MTTP: variants seen among roughly 807,000 people sequenced by gnomAD.
MTTP encodes microsomal triglyceride transfer protein.
Under a neutral mutation model 90.6 loss-of-function variants are expected in MTTP, and 49 were observed. That is an observed-to-expected ratio of 0.54 (90% CI 0.43 to 0.69). The LOEUF (loss-of-function observed/expected upper bound fraction) is 0.69. MTTP is among the 30% of genes least tolerant of loss of function. The probability of loss-of-function intolerance (pLI) is 0.00; values close to 1 mark genes in which losing one functional copy is unlikely to be tolerated. For missense variants in MTTP, 945 were observed against 1,067.5 expected (o/e 0.89, Z 1.60); for synonymous variants, 347 against 384.2 (o/e 0.90, Z 1.13).
intron 10 of MTTP, among the ~76,000 whole-genome samples, chr4:99,604,108 G>A (rs1578248535): frequency 6.6e-6 from 1 of 152,152 alleles, no homozygotes; most frequent in East Asian, 1.9e-4. Context: ...TTTCTGCTGT[G>A]AAACACTCAT....
At chr4:99,596,147 A>G (rs1725546675) in intron 7 of MTTP, among the ~76,000 whole-genome samples, 1 of 152,140 alleles carries the variant, frequency 6.6e-6, no homozygotes, top group South Asian at 2.1e-4. Context: ...CACTTGGAAT[A>G]TCTTCTTAAG....
chr4:99,568,138 C>T (rs978829558), intron 1 of MTTP, among the ~76,000 whole-genome samples: 1 of 151,918 alleles, frequency 6.6e-6, no homozygotes, highest in African/African-American at 2.4e-5. Flanking sequence ...AGAAAGCACA[C>T]ACATATATTC....
At chr4:99,607,041 C>T (rs1725835378) in intron 11 of MTTP, 81 bp downstream of exon 11, 15 of 1,206,586 alleles carry the variant, frequency 1.2e-5, no homozygotes, top group Non-Finnish European at 1.8e-5. Flanking sequence ...GCAAATTCCG[C>T]TCAAGTCACT....
intron 7 of MTTP, 143 bp from the exon 8 acceptor site, chr4:99,596,923 AC>A: frequency 1.1e-6 from 1 of 948,390 alleles, no homozygotes; most frequent in Non-Finnish European, 1.7e-6. Flanking sequence ...TGGGCAGGGA[AC>A]TGTCATGTGT....
chr4:99,609,753 A>G (rs1207726184), intron 12 of MTTP, among the ~76,000 whole-genome samples: 3 of 152,230 alleles, frequency 2.0e-5, no homozygotes, highest in Admixed American at 6.5e-5. Context: ...GGAAGACATA[A>G]GAAACGGGTG....
chr4:99,581,812 C>T, intron 1 of MTTP, 93 bp from the exon 2 acceptor site: 1 of 1,288,052 alleles, frequency 7.8e-7, no homozygotes, highest in South Asian at 1.2e-5. Context: ...TACCAAGCTT[C>T]CTGAGCCCCA....
rs1725126993 is a variant in MTTP at position 99,581,951 on chromosome 4, C to CA, written c.109dup (p.Thr37AsnfsTer5). The CA allele has an allele frequency of 6.2e-7, 1 of 1,614,002 alleles. No homozygotes were observed. The highest frequency in any genetic ancestry group is 1.3e-5 in the African/African-American group (1 of 74,910). On this transcript the variant is annotated frameshift_variant, in exon 2 of 18. Coordinates refer to ENST00000265517, the MANE Select transcript of MTTP (RefSeq NM_001386140.1). LOFTEE classifies it high-confidence loss of function. ...TAAATAATGACCGGCTGTACAAGCT[C>CA]ACGTACTCCACTGAAGTTCTTCTTG...
chr4:99,613,104 G>C lies in MTTP; in HGVS notation c.2181G>C (p.Val727=). 1 of 1,613,938 alleles carries C rather than the reference G, an allele frequency of 6.2e-7. No individual in the cohort carries two copies. The highest frequency in any genetic ancestry group is 8.5e-7 in the Non-Finnish European group (1 of 1,179,894). ...MLSASGDPIS[V]VKGLILLIDH... ...CAGCATCTGGCGACCCTATCAGTGTGGTGAAAGGACTTATTCTGCTAATAG... is the reference window on the plus strand; with the variant it reads ...CAGCATCTGGCGACCCTATCAGTGTCGTGAAAGGACTTATTCTGCTAATAG... Residue 727 remains valine, a synonymous_variant, in exon 15 of 18, where the codon GTG becomes GTC. Transcript: ENST00000265517.
chr4:99,584,788 G>A (rs1262288432), intron 3 of MTTP, among the ~76,000 whole-genome samples: 1 of 151,974 alleles, frequency 6.6e-6, no homozygotes, highest in African/African-American at 2.4e-5. Flanking sequence ...GCTAGATTAT[G>A]GGTGTTGGAT....
chr4:99,566,085 C>G (rs1298783144), intron 1 of MTTP, among the ~76,000 whole-genome samples: 5 of 151,616 alleles, frequency 3.3e-5, no homozygotes, highest in Non-Finnish European at 7.4e-5. Context: ...GTCAGGAGAT[C>G]AAGACCACCC....
At chr4:99,592,089 A>G (rs982892576) in intron 6 of MTTP, among the ~76,000 whole-genome samples, 2 of 152,228 alleles carry the variant, frequency 1.3e-5, no homozygotes, top group Non-Finnish European at 2.9e-5. Context: ...ACTGTAGACA[A>G]TTAAACACAA....
intron 15 of MTTP, among the ~76,000 whole-genome samples, chr4:99,614,470 T>C (rs976349261): frequency 9.2e-5 from 14 of 152,220 alleles, no homozygotes; most frequent in African/African-American, 3.4e-4. Context: ...TCAGGATAGC[T>C]GTATATAACA....
chr4:99,571,321 G>C (rs187903132), upstream of MTTP, among the ~76,000 whole-genome samples: 1 of 151,584 alleles, frequency 6.6e-6, no homozygotes, highest in Admixed American at 6.6e-5. Context: ...TTATATTTTA[G>C]GTTTTGAAAT....
At chr4:99,603,189 T>C (rs1394381303) in intron 10 of MTTP, among the ~76,000 whole-genome samples, 1 of 151,998 alleles carries the variant, frequency 6.6e-6, no homozygotes, top group East Asian at 1.9e-4. Context: ...TTCTGTGGGG[T>C]TGGAACATAA....
At chr4:99,593,725 A>C (rs564224401) in intron 6 of MTTP, among the ~76,000 whole-genome samples, 89 of 152,324 alleles carry the variant, frequency 5.8e-4, no homozygotes, top group Non-Finnish European at 1.1e-3. Context: ...AAATGCTTGA[A>C]ATTTTATAGA....
intron 10 of MTTP, 36 bp downstream of exon 10, chr4:99,601,750 C>A: frequency 6.9e-7 from 1 of 1,454,554 alleles, no homozygotes; most frequent in Non-Finnish European, 9.7e-7. Context: ...TTACATCATT[C>A]TACACCATTG....
chr4:99,595,041 T>C (rs1328682463), intron 7 of MTTP, among the ~76,000 whole-genome samples, 158 bp downstream of exon 7: 1 of 152,194 alleles, frequency 6.6e-6, no homozygotes, highest in African/African-American at 2.4e-5. Flanking sequence ...GCACCTGACA[T>C]AGTGCATGAC....
Position 99,595,312 on chromosome 4 carries a change from G to C in MTTP, c.909+429G>C, listed in dbSNP as rs549696047. On this transcript the variant is annotated intron_variant, in intron 7 of 17. Coordinates refer to ENST00000265517, the MANE Select transcript of MTTP (RefSeq NM_001386140.1). ...CTGCAAGGACTGAAAAAGGATACCA[G>C]GATCTTTGCCTAAATTAGGAAACAT... Among the ~76,000 whole-genome samples, 13 of 152,256 alleles carry C rather than the reference G, an allele frequency of 8.5e-5. No homozygotes were observed. In the South Asian group the frequency reaches 2.5e-3, roughly 29 times the overall value.
Position 99,581,959 on chromosome 4 carries a change from C to A in MTTP, c.116C>A (p.Ser39Tyr), listed in dbSNP as rs1368435137. The A allele has an allele frequency of 6.2e-7, 1 of 1,614,138 alleles. No individual in the cohort carries two copies. The highest frequency in any genetic ancestry group is 1.3e-5 in the African/African-American group (1 of 75,026). Reference protein sequence around the residue: ...NNDRLYKLTYSTEVLLDRGKG... With the variant: ...NNDRLYKLTYYTEVLLDRGKG... Reference sequence around the variant, plus strand: ...GACCGGCTGTACAAGCTCACGTACTCCACTGAAGTTCTTCTTGATCGGGGC... The same window carrying A: ...GACCGGCTGTACAAGCTCACGTACTACACTGAAGTTCTTCTTGATCGGGGC... The change falls in exon 2 of 18, where the codon TCC becomes TAC. Residue 39 changes from serine (S) to tyrosine (Y), a missense_variant. Coordinates refer to ENST00000265517, the MANE Select transcript of MTTP (RefSeq NM_001386140.1).
Sources: gnomAD v4.1 joint callset for allele counts (sites outside exome capture counted in the v4.1 genomes callset) on GRCh38, gnomAD v4.1.1 for gene constraint, MANE v1.5 for transcripts, NCBI Gene and HGNC (gene_info 2026-07-23, HGNC 2026-07-21) for gene names.